CHST9: variants seen among roughly 807,000 people sequenced by gnomAD.
CHST9 encodes carbohydrate sulfotransferase 9, also known as GalNAc-4-sulfotransferase 2.
Under a neutral mutation model 44.4 loss-of-function variants are expected in CHST9, and 41 were observed. The ratio of observed to expected loss-of-function variants is 0.92; its 90% CI spans 0.72 to 1.20. The LOEUF (loss-of-function observed/expected upper bound fraction) is 1.20. Ranked by LOEUF, CHST9 falls within the 50% of genes most tolerant of loss-of-function variation. The probability of loss-of-function intolerance (pLI) is 0.00; values close to 1 mark genes in which losing one functional copy is unlikely to be tolerated. For missense variants in CHST9, 504 were observed against 516.5 expected (o/e 0.98, Z 0.23); for synonymous variants, 171 against 178.4 (o/e 0.96, Z 0.33).
chr18:27,024,623 G>A (rs894814040), intron 3 of CHST9, among the ~76,000 whole-genome samples: 1 of 152,222 alleles, frequency 6.6e-6, no homozygotes, highest in East Asian at 1.9e-4. Flanking sequence ...TTGAGATAGA[G>A]ATGCCATGTA....
chr18:27,112,574 T>A (rs1439201666), intron 2 of CHST9, among the ~76,000 whole-genome samples: 1 of 118,130 alleles, frequency 8.5e-6, no homozygotes, highest in African/African-American at 3.1e-5. Context: ...TTAGGGATAT[T>A]CAACGTGTGT....
In CHST9 at chr18:26,911,057, G is replaced by A. The variant is rs1301678962; in HGVS notation, c.*5202C>T. The A allele has an allele frequency of 6.6e-6, 1 of 151,676 alleles. No individual in the cohort carries two copies. Among genetic ancestry groups the A allele is most frequent in the African/African-American group, 2.4e-5 (1 of 41,262 alleles). 9.4% of individuals were successfully genotyped at this position (151,676 alleles called of 1,614,324 possible). ...AAGGGATGACTATTAGTGTAGAAAA[G>A]GTGTGTGGCTCAGCTCCCTTCCCTC... On this transcript the variant is annotated 3_prime_UTR_variant, in exon 6 of 6. Transcript: ENST00000618847.
intron 1 of CHST9, among the ~76,000 whole-genome samples, chr18:27,156,917 A>G (rs2058702192): frequency 6.6e-6 from 1 of 152,134 alleles, no homozygotes; most frequent in African/African-American, 2.4e-5. Context: ...AACAGTGTCT[A>G]GATATATTTT....
intron 2 of CHST9, among the ~76,000 whole-genome samples, chr18:27,111,696 C>T (rs1291019526): frequency 1.3e-5 from 2 of 152,204 alleles, no homozygotes; most frequent in Non-Finnish European, 2.9e-5. Context: ...GCTGGTTAAA[C>T]ATTATTTCTG....
chr18:26,931,875 G>A (rs28468664), intron 5 of CHST9, among the ~76,000 whole-genome samples: 14 of 151,828 alleles, frequency 9.2e-5, no homozygotes, highest in African/African-American at 3.1e-4. Context: ...TTTTATAATG[G>A]GCAATTAATT....
chr18:27,026,040 T>C (rs945242152), intron 3 of CHST9, among the ~76,000 whole-genome samples: 26 of 152,208 alleles, frequency 1.7e-4, no homozygotes, highest in Non-Finnish European at 4.4e-5. Flanking sequence ...TCTCATCAAA[T>C]ATTGCTTTTA....
intron 1 of CHST9, among the ~76,000 whole-genome samples, chr18:27,161,559 G>T (rs944760454): frequency 9.2e-5 from 14 of 152,258 alleles, no homozygotes; most frequent in African/African-American, 3.4e-4. Flanking sequence ...AATAAGTGTG[G>T]TGTGGTGCCG....
In CHST9 at chr18:27,142,709, CA is replaced by C; in HGVS notation, c.100del (p.Trp34GlyfsTer18). 6.2e-7 allele frequency: 1 copy of C among 1,607,872 alleles called. No individual in the cohort carries two copies. The highest frequency in any genetic ancestry group is 8.5e-7 in the Non-Finnish European group (1 of 1,177,376). On this transcript the variant is annotated frameshift_variant, in exon 2 of 6. Transcript: ENST00000618847. LOFTEE classifies it high-confidence loss of function. ...GTTACCTGTATGTTGTTCTTCAATC[CA>C]GACTTGCAAATACATGAAGAGGAGT... is the stretch of plus-strand genomic sequence containing the variant. ...GLLLFMYLQV[W>X]IEEQHTGRVE...
chr18:27,084,186 T>A (rs776148320), intron 2 of CHST9, among the ~76,000 whole-genome samples: 17 of 151,500 alleles, frequency 1.1e-4, no homozygotes, highest in Non-Finnish European at 2.4e-4. Flanking sequence ...GAGTTCCTCC[T>A]CTTCAATTTT....
chr18:27,032,619 T>C (rs2057352807), intron 3 of CHST9, among the ~76,000 whole-genome samples: 1 of 150,764 alleles, frequency 6.6e-6, no homozygotes, highest in South Asian at 2.1e-4. Flanking sequence ...TGGTTTCTAC[T>C]GAGCTGCTAA....
intron 2 of CHST9, among the ~76,000 whole-genome samples, chr18:27,142,326 A>G (rs2058574689): frequency 1.3e-5 from 2 of 152,220 alleles, no homozygotes; most frequent in African/African-American, 4.8e-5. Context: ...ATTAAAGGAG[A>G]GGCTGCTGTA....
At chr18:27,154,381 G>A (rs530122809) in intron 1 of CHST9, among the ~76,000 whole-genome samples, 41 of 152,134 alleles carry the variant, frequency 2.7e-4, no homozygotes, top group African/African-American at 9.4e-4. Context: ...TAAGAGGTAT[G>A]GGTGGAGACA....
intron 2 of CHST9, among the ~76,000 whole-genome samples, chr18:27,052,522 T>A (rs937366322): frequency 6.6e-6 from 1 of 152,118 alleles, no homozygotes; most frequent in Non-Finnish European, 1.5e-5. Flanking sequence ...TATCTCTCAT[T>A]CTCTCAATGT....
At chr18:26,969,154 G>A (rs1370826496) in intron 4 of CHST9, among the ~76,000 whole-genome samples, 1 of 151,882 alleles carries the variant, frequency 6.6e-6, no homozygotes, top group Non-Finnish European at 1.5e-5. Context: ...GCCCGCCACC[G>A]TGCCTGGCTA....
At chr18:27,050,646 G>T (rs964983270) in intron 2 of CHST9, among the ~76,000 whole-genome samples, 1 of 152,148 alleles carries the variant, frequency 6.6e-6, no homozygotes, top group Non-Finnish European at 1.5e-5. Flanking sequence ...ATTTCCAGAG[G>T]ACTTGTTTGA....
intron 2 of CHST9, among the ~76,000 whole-genome samples, chr18:27,101,319 C>T (rs867188367): frequency 6.6e-6 from 1 of 152,098 alleles, no homozygotes; most frequent in South Asian, 2.1e-4. Context: ...AGGCCGGGCT[C>T]GGTGACTCAC....
chr18:27,019,173 C>T (rs779650253), intron 4 of CHST9, among the ~76,000 whole-genome samples: 4 of 152,184 alleles, frequency 2.6e-5, no homozygotes, highest in Non-Finnish European at 4.4e-5. Flanking sequence ...TAGTCCATTT[C>T]AGGACCCGTG....
intron 4 of CHST9, among the ~76,000 whole-genome samples, chr18:26,999,371 T>C (rs2056922811): frequency 6.6e-6 from 1 of 152,184 alleles, no homozygotes; most frequent in South Asian, 2.1e-4. Context: ...CAACTTTGGA[T>C]TTTCAAAATC....
chr18:27,071,213 T>G (rs1445915067), intron 2 of CHST9, among the ~76,000 whole-genome samples: 1 of 152,074 alleles, frequency 6.6e-6, no homozygotes, highest in Admixed American at 6.5e-5. Context: ...TTTCTCTAAC[T>G]GGATCCTGAT....
Sources: gnomAD v4.1 joint callset for allele counts (sites outside exome capture counted in the v4.1 genomes callset) on GRCh38, gnomAD v4.1.1 for gene constraint, MANE v1.5 for transcripts, NCBI Gene and HGNC (gene_info 2026-07-23, HGNC 2026-07-21) for gene names.